PLXNA2: variants seen among roughly 807,000 people sequenced by gnomAD.
The protein encoded by PLXNA2 is plexin-A2.
Under a neutral mutation model 193.5 loss-of-function variants are expected in PLXNA2, and 91 were observed. That is an observed-to-expected ratio of 0.47 (90% CI 0.40 to 0.56). PLXNA2 has a LOEUF of 0.56. PLXNA2 is among the 20% of genes least tolerant of loss of function. The pLI is 0.00. For missense variants in PLXNA2, 1,995 were observed against 2,503.2 expected (o/e 0.80, Z 4.33); for synonymous variants, 997 against 1,027.3 (o/e 0.97, Z 0.56).
chr1:208,088,617 G>A (rs963315461), intron 9 of PLXNA2, among the ~76,000 whole-genome samples: 3 of 152,200 alleles, frequency 2.0e-5, no homozygotes, highest in African/African-American at 7.2e-5. Flanking sequence ...GATTTGGGGG[G>A]CCCCCATCAG....
intron 1 of PLXNA2, among the ~76,000 whole-genome samples, chr1:208,224,297 ATAT>A (rs1358213884): frequency 4.1e-5 from 6 of 146,338 alleles, no homozygotes; most frequent in Non-Finnish European, 9.0e-5. Flanking sequence ...GGCGTCTATA[ATAT>A]TATTATTCAA....
chr1:208,097,760 G>A (rs12126111), intron 6 of PLXNA2, among the ~76,000 whole-genome samples: 64,333 of 151,758 alleles, frequency 0.42, 13,860 homozygotes, highest in African/African-American at 0.46. Context: ...TAAGAAAGGC[G>A]ACTGGTTTCC....
intron 3 of PLXNA2, among the ~76,000 whole-genome samples, chr1:208,201,632 A>G (rs1670556541): frequency 6.6e-6 from 1 of 152,166 alleles, no homozygotes; most frequent in Non-Finnish European, 1.5e-5. Flanking sequence ...CCTCAAAGAT[A>G]TCAGTAATAA....
intron 3 of PLXNA2, among the ~76,000 whole-genome samples, chr1:208,175,718 T>C (rs1669641302): frequency 6.6e-6 from 1 of 152,154 alleles, no homozygotes; most frequent in Non-Finnish European, 1.5e-5. Flanking sequence ...GCTGGAAATC[T>C]GGAAAGGTCA....
chr1:208,167,487 G>T (rs1669346888), intron 3 of PLXNA2, among the ~76,000 whole-genome samples: 1 of 152,198 alleles, frequency 6.6e-6, no homozygotes, highest in African/African-American at 2.4e-5. Context: ...TTGCGTTAAT[G>T]AGAACCAGAA....
chr1:208,158,112 G>A (rs1161564771), intron 3 of PLXNA2, among the ~76,000 whole-genome samples: 2 of 152,210 alleles, frequency 1.3e-5, no homozygotes, highest in Non-Finnish European at 1.5e-5. Flanking sequence ...AGAAGCCTAG[G>A]TACAGCTTCT....
intron 3 of PLXNA2, among the ~76,000 whole-genome samples, chr1:208,188,280 G>A (rs1670069432): frequency 6.6e-6 from 1 of 152,178 alleles, no homozygotes; most frequent in Non-Finnish European, 1.5e-5. Flanking sequence ...CTGCTTTAGG[G>A]TAGGATAGAA....
chr1:208,031,475 C>A, intron 29 of PLXNA2, 115 bp downstream of exon 29: 4 of 1,416,752 alleles, frequency 2.8e-6, no homozygotes, highest in Middle Eastern at 1.8e-4. Context: ...CTTTGGATCA[C>A]CCAGCCCCAG....
intron 5 of PLXNA2, among the ~76,000 whole-genome samples, chr1:208,101,679 A>G (rs1469775032): frequency 6.6e-6 from 1 of 152,156 alleles, no homozygotes; most frequent in Non-Finnish European, 1.5e-5. Context: ...CTTGTTCAAG[A>G]TGGGGAAAAC....
intron 3 of PLXNA2, among the ~76,000 whole-genome samples, chr1:208,201,464 C>T (rs1670552547): frequency 6.6e-6 from 1 of 152,128 alleles, no homozygotes; most frequent in African/African-American, 2.4e-5. Flanking sequence ...TCAGCTGGTC[C>T]CGTCTTCTAA....
At chr1:208,075,241 C>T (rs1219514487) in intron 12 of PLXNA2, among the ~76,000 whole-genome samples, 1 of 151,380 alleles carries the variant, frequency 6.6e-6, no homozygotes, top group South Asian at 2.1e-4. Context: ...AACCCGGAGG[C>T]GGGGGTTGTA....
intron 29 of PLXNA2, chr1:208,031,349 A>C: frequency 7.4e-7 from 1 of 1,353,802 alleles, no homozygotes; most frequent in East Asian, 3.0e-5. Context: ...CTGGAGGGGC[A>C]GAATTCAAGG....
At position 208,163,414 on chromosome 1, in the gene PLXNA2, G is replaced by A. The variant is rs116618133; in HGVS notation, c.1372-20951C>T. ...GGAGGTGGAAAGGAGGGCAGGTGAGGGAAAAGATGAACAGACAAGATTTGG... is the reference window on the plus strand; with the variant it reads ...GGAGGTGGAAAGGAGGGCAGGTGAGAGAAAAGATGAACAGACAAGATTTGG... On this transcript the variant is annotated intron_variant, in intron 3 of 31. Transcript: ENST00000367033. Among the ~76,000 whole-genome samples the A allele has an allele frequency of 5.7e-3, 870 of 152,276 alleles. 6 individuals carry two copies. Among genetic ancestry groups the A allele is most frequent in the African/African-American group, 0.02 (847 of 41,556 alleles).
At chr1:208,243,303 C>T (rs1286655735) in intron 1 of PLXNA2, among the ~76,000 whole-genome samples, 5 of 152,146 alleles carry the variant, frequency 3.3e-5, no homozygotes, top group Admixed American at 6.5e-5. Context: ...CCCCGAGCTC[C>T]CCAAAGCCGC....
chr1:208,177,952 C>A (rs1377906446), intron 3 of PLXNA2, among the ~76,000 whole-genome samples: 3 of 152,218 alleles, frequency 2.0e-5, no homozygotes, highest in Non-Finnish European at 4.4e-5. Flanking sequence ...ACAGTGTGCA[C>A]CTGGAGATTT....
At chr1:208,237,411 T>C (rs1347431210) in intron 1 of PLXNA2, among the ~76,000 whole-genome samples, 1 of 152,188 alleles carries the variant, frequency 6.6e-6, no homozygotes, top group African/African-American at 2.4e-5. Context: ...CACTGGCCTC[T>C]ACACGCCAGC....
intron 12 of PLXNA2, among the ~76,000 whole-genome samples, chr1:208,072,122 G>C (rs1366959830): frequency 6.6e-6 from 1 of 152,168 alleles, no homozygotes; most frequent in African/African-American, 2.4e-5. Context: ...AGTGTACATG[G>C]TTTTCTATAA....
chr1:208,093,040 C>T, intron 8 of PLXNA2, 140 bp from the exon 9 acceptor site: 1 of 562,756 alleles, frequency 1.8e-6, no homozygotes. Context: ...CATCCTCTAG[C>T]ACCAAGAATT....
chr1:208,149,497 T>C (rs1258718741), intron 3 of PLXNA2, among the ~76,000 whole-genome samples: 2 of 152,000 alleles, frequency 1.3e-5, no homozygotes, highest in Middle Eastern at 3.4e-3. Flanking sequence ...GTCTGTTGTA[T>C]GAGTATGGTG....
Sources: gnomAD v4.1 joint callset for allele counts (sites outside exome capture counted in the v4.1 genomes callset) on GRCh38, gnomAD v4.1.1 for gene constraint, MANE v1.5 for transcripts, NCBI Gene and HGNC (gene_info 2026-07-23, HGNC 2026-07-21) for gene names.